RBFOX1: variants seen among roughly 807,000 people sequenced by gnomAD.
RBFOX1 encodes RNA binding fox-1 homolog 1.
Under a neutral mutation model 57.7 loss-of-function variants are expected in RBFOX1, and 8 were observed. That is an observed-to-expected ratio of 0.14 (90% CI 0.08 to 0.25). RBFOX1 has a LOEUF of 0.25. Among genes scored for constraint, RBFOX1 ranks in the 10% least tolerant of loss-of-function variants. RBFOX1 has a pLI of 1.00. For synonymous variants in RBFOX1, 326 were observed against 222.4 expected (o/e 1.47, Z -4.15); for missense variants, 611 against 548.5 (o/e 1.11, Z -1.14).
intron 4 of RBFOX1, among the ~76,000 whole-genome samples, chr16:7,479,061 C>T (rs1264647846): frequency 1.3e-5 from 2 of 151,594 alleles, no homozygotes; most frequent in African/African-American, 4.8e-5. Context: ...AAAGTGGAGT[C>T]ATAGGCAGGA....
At chr16:6,685,527 A>G (rs1401152376) in intron 3 of RBFOX1, among the ~76,000 whole-genome samples, 2 of 147,902 alleles carry the variant, frequency 1.4e-5, no homozygotes, top group Non-Finnish European at 3.0e-5. Context: ...ACCTCCGGTG[A>G]TCCGCGTTCC....
chr16:7,456,673 C>T (rs2058573026), intron 4 of RBFOX1, among the ~76,000 whole-genome samples: 1 of 152,120 alleles, frequency 6.6e-6, no homozygotes, highest in Non-Finnish European at 1.5e-5. Context: ...CAGCATCACC[C>T]AACGGTCTTC....
intron 3 of RBFOX1, among the ~76,000 whole-genome samples, chr16:5,638,633 GT>G (rs1247606325): frequency 6.6e-6 from 1 of 152,138 alleles, no homozygotes; most frequent in South Asian, 2.1e-4. Context: ...GTATTCATAA[GT>G]TTTTATTCAC....
chr16:5,612,943 G>A (rs2047877366), intron 3 of RBFOX1, among the ~76,000 whole-genome samples: 1 of 152,180 alleles, frequency 6.6e-6, no homozygotes, highest in African/African-American at 2.4e-5. Flanking sequence ...GCCCCTTCCT[G>A]GCACATAGAA....
intron 2 of RBFOX1, among the ~76,000 whole-genome samples, chr16:6,550,642 A>G (rs1480915919): frequency 6.6e-6 from 1 of 152,020 alleles, no homozygotes; most frequent in Non-Finnish European, 1.5e-5. Flanking sequence ...GCACACTTCT[A>G]ATTCTTTCCT....
At chr16:5,604,906 C>A (rs1183069489), downstream of RBFOX1, among the ~76,000 whole-genome samples, 1 of 152,214 alleles carries the variant, frequency 6.6e-6, no homozygotes, top group Non-Finnish European at 1.5e-5. Flanking sequence ...TCCCCTGCTG[C>A]AGTCTCAGCA....
chr16:6,916,760 C>T (rs912872797), intron 3 of RBFOX1, among the ~76,000 whole-genome samples: 5 of 152,144 alleles, frequency 3.3e-5, no homozygotes, highest in African/African-American at 1.2e-4. Context: ...TTTTCTACCA[C>T]CCACTTAAAC....
At chr16:6,466,199 C>T (rs544141470) in intron 2 of RBFOX1, among the ~76,000 whole-genome samples, 6 of 148,404 alleles carry the variant, frequency 4.0e-5, no homozygotes, top group Middle Eastern at 3.5e-3. Context: ...CACTGCACTC[C>T]AGCCTGGGCG....
At chr16:7,106,716 T>C (rs1300199272) in intron 4 of RBFOX1, among the ~76,000 whole-genome samples, 4 of 152,032 alleles carry the variant, frequency 2.6e-5, no homozygotes, top group African/African-American at 4.8e-5. Context: ...GCTTGAGATA[T>C]GAATTCATGA....
chr16:7,676,754 C>G lies in RBFOX1; in HGVS notation c.931-20C>G, dbSNP rs748699794. 1 of 1,606,960 alleles carries G rather than the reference C, an allele frequency of 6.2e-7. No homozygotes were observed. Among genetic ancestry groups the G allele is most frequent in the East Asian group, 2.2e-5 (1 of 44,762 alleles). On this transcript the variant is annotated intron_variant, in intron 13 of 15. Transcript: ENST00000550418. Reference sequence around the variant, plus strand: ...TGGGCTCCGCTACATTCCTGAGTCACATTTCTCCTTGTGTTTTAGGGTGGT... The same window carrying G: ...TGGGCTCCGCTACATTCCTGAGTCAGATTTCTCCTTGTGTTTTAGGGTGGT...
At chr16:7,055,197 A>C (rs1468011631) in intron 4 of RBFOX1, among the ~76,000 whole-genome samples, 1 of 152,222 alleles carries the variant, frequency 6.6e-6, no homozygotes, top group Non-Finnish European at 1.5e-5. Flanking sequence ...AAAATGAAAT[A>C]CAAAGAGTTG....
chr16:7,429,362 G>C (rs536097522), intron 4 of RBFOX1, among the ~76,000 whole-genome samples: 2 of 152,316 alleles, frequency 1.3e-5, no homozygotes, highest in South Asian at 4.1e-4. Flanking sequence ...TCATTCATCA[G>C]CTGTTGATTT....
chr16:7,028,892 C>T (rs930470361), intron 3 of RBFOX1, among the ~76,000 whole-genome samples: 2 of 150,818 alleles, frequency 1.3e-5, no homozygotes, highest in African/African-American at 2.4e-5. Context: ...CTCTGCCACT[C>T]AGCTATGTGT....
chr16:5,400,102 T>C (rs544731439), intron 1 of RBFOX1, among the ~76,000 whole-genome samples: 2 of 152,004 alleles, frequency 1.3e-5, no homozygotes, highest in South Asian at 2.1e-4. Flanking sequence ...TTTCTTTCTT[T>C]CTTTCTTTTT....
At chr16:7,108,889 GA>G (rs1668616487) in intron 4 of RBFOX1, among the ~76,000 whole-genome samples, 1 of 152,190 alleles carries the variant, frequency 6.6e-6, no homozygotes, top group South Asian at 2.1e-4. Context: ...ATGCATCTGT[GA>G]AAAGAAGGAG....
At chr16:6,574,820 C>G (rs1283225407) in intron 2 of RBFOX1, among the ~76,000 whole-genome samples, 1 of 149,670 alleles carries the variant, frequency 6.7e-6, no homozygotes, top group Non-Finnish European at 1.5e-5. Flanking sequence ...GGGCGGATCA[C>G]GAGGTCAGGC....
intron 4 of RBFOX1, among the ~76,000 whole-genome samples, chr16:7,421,371 C>G (rs767807521): frequency 6.6e-6 from 1 of 152,128 alleles, no homozygotes; most frequent in Non-Finnish European, 1.5e-5. Context: ...ATGTATTTGC[C>G]AGTTTAATGG....
rs375062495 is a variant in RBFOX1 at position 7,470,668 on chromosome 16, A to G, written c.28-47479A>G. On this transcript the variant is annotated intron_variant, in intron 4 of 15. Coordinates refer to ENST00000550418, the MANE Select transcript of RBFOX1 (RefSeq NM_018723.4). ...GATAGACGGATGAGTGTACGTATGT[A>G]TGTATGGTTAGATGGAAGAGTGGAT... Among the ~76,000 whole-genome samples the G allele has an allele frequency of 5.9e-5, 9 of 152,202 alleles. No homozygotes were observed. In the East Asian group the frequency reaches 1.7e-3, roughly 29 times the overall value.
intron 2 of RBFOX1, among the ~76,000 whole-genome samples, chr16:6,450,774 T>TATATACATATATATATATAC (rs1288348422): frequency 3.0e-5 from 1 of 33,180 alleles, no homozygotes; most frequent in East Asian, 8.6e-4. Context: ...TGTGTATATA[T>TATATACATATATATATATAC]ATATATATAT....
Sources: allele counts gnomAD v4.1 joint callset (sites outside exome capture counted in the v4.1 genomes callset), GRCh38; gene constraint gnomAD v4.1.1; transcripts MANE v1.5; gene names NCBI Gene and HGNC (gene_info 2026-07-23, HGNC 2026-07-21).